Variants in NMNAT1 observed in about 807,000 individuals in gnomAD.
The protein encoded by NMNAT1 is nicotinamide nucleotide adenylyltransferase 1.
NMNAT1 carries 11 observed loss-of-function variants against 16.7 expected under a neutral mutation model. That is an observed-to-expected ratio of 0.66 (90% CI 0.41 to 1.09). NMNAT1 has a LOEUF of 1.09. Ranked by LOEUF, NMNAT1 falls within the 50% of genes least tolerant of loss-of-function variation. NMNAT1 has a pLI of 0.00. For missense variants in NMNAT1, 280 were observed against 332.3 expected (o/e 0.84, Z 1.22); for synonymous variants, 110 against 119.8 (o/e 0.92, Z 0.53).
At chr1:9,994,855 G>A in the NMNAT1 span, among the ~76,000 whole-genome samples, 1 of 151,240 alleles carries the variant, frequency 6.6e-6, no homozygotes, top group Middle Eastern at 3.5e-3. Context: ...CTCGTGATCT[G>A]CCCGCCTCAG....
chr1:9,979,993 G>A (rs950833116), intron 3 of NMNAT1, among the ~76,000 whole-genome samples: 9 of 151,012 alleles, frequency 6.0e-5, no homozygotes, highest in South Asian at 4.2e-4. Flanking sequence ...GTGCAATAGC[G>A]CAATCATGGC....
chr1:9,949,888 T>G (rs551224839), intron 1 of NMNAT1: 5 of 152,266 alleles, frequency 3.3e-5, no homozygotes, highest in African/African-American at 9.6e-5. Flanking sequence ...AGCACTTATT[T>G]CTATAGCAGT....
At chr1:9,993,432 T>C in the NMNAT1 span, among the ~76,000 whole-genome samples, 1 of 149,872 alleles carries the variant, frequency 6.7e-6, no homozygotes, top group Non-Finnish European at 1.5e-5. Context: ...GCCAAGACTG[T>C]GCCACTGCAC....
At chr1:9,964,945 A>AG (rs916124156) in intron 1 of NMNAT1, among the ~76,000 whole-genome samples, 1 of 150,128 alleles carries the variant, frequency 6.7e-6, no homozygotes, top group African/African-American at 2.4e-5. Flanking sequence ...AAAAAAAAAA[A>AG]AAAAGCTTCA....
chr1:9,994,682 G>A, the NMNAT1 span, among the ~76,000 whole-genome samples: 4 of 150,146 alleles, frequency 2.7e-5, no homozygotes, highest in Non-Finnish European at 4.4e-5. Flanking sequence ...GCGCGATCTC[G>A]GCTCACTGCA....
intron 4 of NMNAT1, chr1:9,981,432 G>C: frequency 3.1e-6 from 1 of 325,642 alleles, no homozygotes; most frequent in South Asian, 3.2e-5. Context: ...AGACGGGGTT[G>C]CACCATGTTA....
intron 1 of NMNAT1, among the ~76,000 whole-genome samples, chr1:9,958,736 C>A (rs1641329750): frequency 6.6e-6 from 1 of 152,118 alleles, no homozygotes; most frequent in South Asian, 2.1e-4. Flanking sequence ...CTGCTCCCAG[C>A]CTGTTGATAC....
chr1:9,960,932 A>C (rs1400271668), intron 1 of NMNAT1: 1 of 152,150 alleles, frequency 6.6e-6, no homozygotes, highest in Non-Finnish European at 1.5e-5. Context: ...GATATGGAGG[A>C]AGTACTCTTC....
chr1:9,971,733 T>G (rs1641692210), intron 1 of NMNAT1, among the ~76,000 whole-genome samples: 2 of 152,050 alleles, frequency 1.3e-5, no homozygotes, highest in South Asian at 4.2e-4. Flanking sequence ...GAGACTGAGG[T>G]GGAAGGGTTG....
chr1:9,980,936 G>T, intron 3 of NMNAT1, 95 bp from the exon 4 acceptor site: 1 of 1,373,198 alleles, frequency 7.3e-7, no homozygotes, highest in Non-Finnish European at 9.8e-7. Flanking sequence ...GATTACAGGT[G>T]TGAGCCACTG....
intron 1 of NMNAT1, among the ~76,000 whole-genome samples, chr1:9,949,076 C>A (rs1271387274): frequency 6.6e-6 from 1 of 151,230 alleles, no homozygotes; most frequent in African/African-American, 2.4e-5. Flanking sequence ...TCAAGAGCAG[C>A]CTGACCAACA....
At chr1:9,972,874 T>C (rs1271774853) in intron 2 of NMNAT1, among the ~76,000 whole-genome samples, 1 of 151,992 alleles carries the variant, frequency 6.6e-6, no homozygotes, top group Non-Finnish European at 1.5e-5. Context: ...AGTAGGAGGA[T>C]TGCTTGAGCC....
At chr1:9,953,063 C>G (rs1190434092) in intron 1 of NMNAT1, among the ~76,000 whole-genome samples, 1 of 151,450 alleles carries the variant, frequency 6.6e-6, no homozygotes, top group Non-Finnish European at 1.5e-5. Flanking sequence ...TCACTGCAAC[C>G]TCTGCCTCCT....
At chr1:9,962,823 A>T (rs370444759) in intron 1 of NMNAT1, among the ~76,000 whole-genome samples, 1 of 151,676 alleles carries the variant, frequency 6.6e-6, no homozygotes, top group African/African-American at 2.4e-5. Flanking sequence ...CTGGGACTAC[A>T]GGTGCCTGCC....
chr1:9,977,674 C>T, intron 3 of NMNAT1, among the ~76,000 whole-genome samples: 1 of 151,818 alleles, frequency 6.6e-6, no homozygotes, highest in Admixed American at 6.6e-5. Flanking sequence ...CAAGACAAGC[C>T]TGGCCAACAT....
rs6143117 is a variant in NMNAT1, at chr1:9,968,080, G to GTTTTTTTTTTTTTTT, written c.-56-3929_-56-3928insTTTTTTTTTTTTTTT. On this transcript the variant is annotated intron_variant, in intron 1 of 4. Transcript: ENST00000377205. ...TTTGCCAAATGTAGTTTTTTTTTTTGTTTTTTTTTGAGATGGAGTCTCGCT... is the reference window on the plus strand; with the variant it reads ...TTTGCCAAATGTAGTTTTTTTTTTTGTTTTTTTTTTTTTTTTTTTTTTTTGAGATGGAGTCTCGCT... Among the ~76,000 whole-genome samples, 32 of 117,804 alleles carry GTTTTTTTTTTTTTTT rather than the reference G, an allele frequency of 2.7e-4. 1 individual carries two copies. Among genetic ancestry groups the GTTTTTTTTTTTTTTT allele is most frequent in the Non-Finnish European group, 3.6e-4 (21 of 58,770 alleles). The allele number at this position is 117,804 out of a possible 152,430, so 77.3% of individuals were successfully genotyped here.
At chr1:9,950,251 C>T (rs556288383) in intron 1 of NMNAT1, among the ~76,000 whole-genome samples, 55 of 152,120 alleles carry the variant, frequency 3.6e-4, no homozygotes, top group African/African-American at 1.2e-3. Context: ...CAACCATGCC[C>T]GGCTAATTTT....
rs552701567 is a variant in NMNAT1, at chr1:9,954,099, C to G, written c.-57+10584C>G. 2.0e-5 allele frequency among the ~76,000 whole-genome samples: 3 copies of G among 152,266 alleles called. No individual in the cohort carries two copies. The East Asian group carries it at 5.8e-4, about 29-fold the overall frequency. Reference sequence around the variant, plus strand: ...GGGATTACAGGCATGAGCCACCGCACCCGGCCCATACATCACTCTTAAAAG... The same window carrying G: ...GGGATTACAGGCATGAGCCACCGCAGCCGGCCCATACATCACTCTTAAAAG... On this transcript the variant is annotated intron_variant, in intron 1 of 4. Coordinates refer to ENST00000377205, the MANE Select transcript of NMNAT1 (RefSeq NM_022787.4).
At chr1:9,980,907 C>T (rs576986395) in intron 3 of NMNAT1, 124 bp from the exon 4 acceptor site, 191 of 992,606 alleles carry the variant, frequency 1.9e-4, no homozygotes, top group East Asian at 1.3e-3. Flanking sequence ...CCGCCCACCT[C>T]GGCCTCCCAA....
Sources: gnomAD v4.1 joint callset for allele counts (sites outside exome capture counted in the v4.1 genomes callset) on GRCh38, gnomAD v4.1.1 for gene constraint, MANE v1.5 for transcripts, NCBI Gene and HGNC (gene_info 2026-07-23, HGNC 2026-07-21) for gene names.